FANK1: variants seen among roughly 807,000 people sequenced by gnomAD.
The protein encoded by FANK1 is fibronectin type 3 and ankyrin repeat domains protein 1.
FANK1 carries 44 observed loss-of-function variants against 45.3 expected under a neutral mutation model. The observed-to-expected ratio is 0.97, with a 90% confidence interval of 0.76 to 1.25. FANK1 has a LOEUF of 1.25. Among genes scored for constraint, FANK1 ranks in the 50% most tolerant of loss-of-function variants. The pLI is 0.00. For synonymous variants in FANK1, 149 were observed against 152.5 expected (o/e 0.98, Z 0.17); for missense variants, 391 against 424.4 (o/e 0.92, Z 0.69).
At chr10:125,968,959 G>T (rs1950330916) in intron 1 of FANK1, among the ~76,000 whole-genome samples, 1 of 152,132 alleles carries the variant, frequency 6.6e-6, no homozygotes. Flanking sequence ...TACTTGACAA[G>T]TGGCACCAGA....
At chr10:125,965,189 A>G (rs1950139693) in intron 1 of FANK1, among the ~76,000 whole-genome samples, 1 of 152,200 alleles carries the variant, frequency 6.6e-6, no homozygotes, top group Non-Finnish European at 1.5e-5. Context: ...AACAAACTTG[A>G]TGAATGCAAA....
chr10:125,923,579 G>A (rs1947102622), intron 1 of FANK1, among the ~76,000 whole-genome samples: 1 of 151,958 alleles, frequency 6.6e-6, no homozygotes, highest in Admixed American at 6.6e-5. Context: ...CCAGGCTGGA[G>A]TACAGTGGTA....
At chr10:125,991,309 A>G (rs575914160) in intron 3 of FANK1, among the ~76,000 whole-genome samples, 3 of 145,164 alleles carry the variant, frequency 2.1e-5, no homozygotes, top group South Asian at 4.3e-4. Context: ...TTTCACTGCC[A>G]GATAATAGAT....
chr10:125,958,309 G>A (rs1949708617), intron 1 of FANK1, among the ~76,000 whole-genome samples: 1 of 152,050 alleles, frequency 6.6e-6, no homozygotes, highest in African/African-American at 2.4e-5. Context: ...TTGCTATGAA[G>A]AACTGCCCGA....
chr10:125,970,836 G>A (rs561029663), intron 1 of FANK1, among the ~76,000 whole-genome samples: 2 of 152,174 alleles, frequency 1.3e-5, no homozygotes, highest in East Asian at 1.9e-4. Flanking sequence ...GGGGAAGACC[G>A]TGGAAAGCAG....
intron 1 of FANK1, among the ~76,000 whole-genome samples, chr10:125,976,396 A>G (rs1233034039): frequency 6.6e-6 from 1 of 152,226 alleles, no homozygotes; most frequent in African/African-American, 2.4e-5. Context: ...GATGATATCT[A>G]GGAATATATT....
chr10:125,970,539 G>A (rs969582611), intron 1 of FANK1, among the ~76,000 whole-genome samples: 13 of 152,244 alleles, frequency 8.5e-5, no homozygotes, highest in Non-Finnish European at 1.6e-4. Context: ...AGCACTGAGT[G>A]AGCGAGACTC....
chr10:125,954,935 AAAAG>A (rs990602163), intron 1 of FANK1, among the ~76,000 whole-genome samples: 2 of 152,100 alleles, frequency 1.3e-5, no homozygotes, highest in African/African-American at 4.8e-5. Flanking sequence ...ATAAATTAAA[AAAAG>A]GGGAAGGAAA....
chr10:125,970,747 G>A (rs905293158), intron 1 of FANK1, among the ~76,000 whole-genome samples: 3 of 152,200 alleles, frequency 2.0e-5, no homozygotes, highest in African/African-American at 7.2e-5. Flanking sequence ...AGGTTGCAGT[G>A]AGCCGAGATC....
intron 1 of FANK1, among the ~76,000 whole-genome samples, chr10:125,970,092 G>A (rs375466443): frequency 1.3e-5 from 2 of 152,102 alleles, no homozygotes; most frequent in East Asian, 1.9e-4. Flanking sequence ...TTTTCTATTC[G>A]ACAAAACCGC....
At chr10:125,930,096 C>A (rs1472832256) in intron 1 of FANK1, among the ~76,000 whole-genome samples, 2 of 152,090 alleles carry the variant, frequency 1.3e-5, no homozygotes, top group Admixed American at 1.3e-4. Flanking sequence ...GCTCTGTCAC[C>A]CAGGCTGGAG....
At position 125,906,970 on chromosome 10, in the gene FANK1, A is replaced by C. The variant is rs1296342177; in HGVS notation, c.13+10315A>C. On this transcript the variant is annotated intron_variant, in intron 1 of 10. Transcript: ENST00000368693. Reference sequence around the variant, plus strand: ...AACATTATGAAGGCTGTGAGACTTCAAATAAATGAGTAGCCTCTCTGAGCA... The same window carrying C: ...AACATTATGAAGGCTGTGAGACTTCCAATAAATGAGTAGCCTCTCTGAGCA... Among the ~76,000 whole-genome samples, 3 of 152,238 alleles carry C rather than the reference A, an allele frequency of 2.0e-5. No homozygotes were observed. The East Asian group carries it at 5.8e-4, about 29-fold the overall frequency.
At chr10:125,947,967 A>G (rs1948930773) in intron 1 of FANK1, among the ~76,000 whole-genome samples, 2 of 150,394 alleles carry the variant, frequency 1.3e-5, no homozygotes, top group African/African-American at 2.4e-5. Flanking sequence ...ATCTCACTCA[A>G]AGCCACTCAA....
chr10:125,897,825 TC>T (rs1944679443), intron 1 of FANK1, among the ~76,000 whole-genome samples: 1 of 151,940 alleles, frequency 6.6e-6, no homozygotes, highest in Admixed American at 6.6e-5. Context: ...CTGTGTATAT[TC>T]CCGCCTTAGA....
intron 1 of FANK1, among the ~76,000 whole-genome samples, chr10:125,965,650 C>T (rs1181614087): frequency 6.6e-6 from 1 of 152,222 alleles, no homozygotes; most frequent in Non-Finnish European, 1.5e-5. Context: ...CTCCTCCTCT[C>T]TGTCCTCATC....
At chr10:125,975,782 G>A (rs1950818759) in intron 1 of FANK1, among the ~76,000 whole-genome samples, 1 of 152,176 alleles carries the variant, frequency 6.6e-6, no homozygotes, top group Non-Finnish European at 1.5e-5. Flanking sequence ...TACATTCAAG[G>A]TTAGTATTGA....
intron 1 of FANK1, among the ~76,000 whole-genome samples, chr10:125,936,714 C>A (rs1353678260): frequency 6.6e-6 from 1 of 152,110 alleles, no homozygotes; most frequent in African/African-American, 2.4e-5. Flanking sequence ...AATATAGCAC[C>A]ATTTATTTAT....
intron 1 of FANK1, among the ~76,000 whole-genome samples, chr10:125,903,606 G>T (rs1440694930): frequency 4.6e-5 from 7 of 152,326 alleles, no homozygotes; most frequent in South Asian, 2.1e-4. Flanking sequence ...GAGGCGGGGG[G>T]ACTGCTTGAG....
rs1006014832 is a variant in FANK1 at position 126,005,056 on chromosome 10, G to A, written c.705+7G>A. ...GATAAAGGATGGCTGTGAGGTACGG[G>A]ACCTGCCTTGTTAACCACGCACATA... On this transcript the variant is annotated splice_region_variant and intron_variant, in intron 7 of 10. Transcript: ENST00000368693. 6.2e-7 allele frequency: 1 copy of A among 1,610,662 alleles called. No homozygotes were observed. Among genetic ancestry groups the A allele is most frequent in the African/African-American group, 1.3e-5 (1 of 74,968 alleles).
Sources: gnomAD v4.1 joint callset for allele counts (sites outside exome capture counted in the v4.1 genomes callset) on GRCh38, gnomAD v4.1.1 for gene constraint, MANE v1.5 for transcripts, NCBI Gene and HGNC (gene_info 2026-07-23, HGNC 2026-07-21) for gene names.